BICC1: variants seen among roughly 807,000 people sequenced by gnomAD.
The protein encoded by BICC1 is protein bicaudal C homolog 1.
BICC1 carries 43 observed loss-of-function variants against 111.0 expected under a neutral mutation model. The ratio of observed to expected loss-of-function variants is 0.39; its 90% confidence interval spans 0.30 to 0.50. BICC1 has a LOEUF of 0.50. Among genes scored for constraint, BICC1 ranks in the 20% least tolerant of loss-of-function variants. The pLI is 0.88. For missense variants in BICC1, 1,091 were observed against 1,203.2 expected, an observed-to-expected ratio of 0.91 and a Z score of 1.38; for synonymous variants, 467 against 434.4, an observed-to-expected ratio of 1.07 and a Z score of -0.93.
intron 1 of BICC1, among the ~76,000 whole-genome samples, chr10:58,525,452 T>C (rs1033585615): frequency 4.2e-5 from 5 of 119,430 alleles, no homozygotes; most frequent in African/African-American, 1.4e-4. Context: ...CTCAGCAAAC[T>C]ATCGCAAGGA....
At chr10:58,738,811 G>T (rs1383366681) in intron 3 of BICC1, among the ~76,000 whole-genome samples, 3 of 151,930 alleles carry the variant, frequency 2.0e-5, no homozygotes, top group Non-Finnish European at 4.4e-5. Flanking sequence ...CACATCTCTT[G>T]TAAGTTGGAT....
intron 3 of BICC1, among the ~76,000 whole-genome samples, chr10:58,745,859 G>A (rs1312328753): frequency 2.6e-5 from 4 of 152,026 alleles, no homozygotes; most frequent in African/African-American, 9.7e-5. Flanking sequence ...GGGTTAGGAT[G>A]TGGAGATCTT....
intron 1 of BICC1, among the ~76,000 whole-genome samples, chr10:58,619,555 A>C (rs1588937091): frequency 6.7e-6 from 1 of 150,370 alleles, no homozygotes; most frequent in East Asian, 2.0e-4. Context: ...GCTCACTGCA[A>C]CCTCTGCCTC....
rs1845774973 is a variant in BICC1, at chr10:58,620,715, A to G, written c.191-140A>G. On this transcript the variant is annotated intron_variant, in intron 1 of 20. Transcript: ENST00000373886. ...TCTTTACCAGTTTTGCATCCCAGTG[A>G]GGCATATTAGCAGGCACTGAGCTGT... 4.6e-6 allele frequency: 3 copies of G among 654,228 alleles called. No individual in the cohort carries two copies. The South Asian group carries it at 5.8e-5, about 13-fold the overall frequency. The allele number at this position is 654,228 out of a possible 1,614,324, so 40.5% of individuals were successfully genotyped here. A position where few individuals can be genotyped will look rare whatever the true frequency, so the allele number is the denominator to read the frequency against.
intron 10 of BICC1, among the ~76,000 whole-genome samples, chr10:58,797,355 C>A (rs1843389066): frequency 6.6e-6 from 1 of 152,116 alleles, no homozygotes; most frequent in Non-Finnish European, 1.5e-5. Flanking sequence ...GCTATTCTTG[C>A]AGTCTTTAAA....
intron 2 of BICC1, among the ~76,000 whole-genome samples, chr10:58,681,773 G>C (rs1456346690): frequency 6.6e-6 from 1 of 152,168 alleles, no homozygotes; most frequent in Non-Finnish European, 1.5e-5. Context: ...GTTCAGAGGT[G>C]TCCAGAGTTT....
chr10:58,516,572 G>C (rs1443993196), intron 1 of BICC1, among the ~76,000 whole-genome samples: 2 of 152,012 alleles, frequency 1.3e-5, no homozygotes, highest in Non-Finnish European at 2.9e-5. Flanking sequence ...TGCTGTAAGT[G>C]AAGATTATCA....
chr10:58,743,592 A>T (rs765932769), intron 3 of BICC1, among the ~76,000 whole-genome samples: 1 of 152,006 alleles, frequency 6.6e-6, no homozygotes, highest in African/African-American at 2.4e-5. Context: ...CTGTGAAAAC[A>T]TACACCAAAC....
chr10:58,752,249 T>C (rs963406172), intron 3 of BICC1, among the ~76,000 whole-genome samples: 5 of 152,218 alleles, frequency 3.3e-5, no homozygotes, highest in East Asian at 1.9e-4. Flanking sequence ...GACCTAAGTA[T>C]ATAAATCTAG....
chr10:58,716,016 G>A (rs1368230385), intron 3 of BICC1: 4 of 1,408,112 alleles, frequency 2.8e-6, no homozygotes, highest in Non-Finnish European at 3.9e-6. Flanking sequence ...CAGACAGTAA[G>A]GATAGTTTAA....
At chr10:58,550,061 A>C (rs947841928) in intron 1 of BICC1, among the ~76,000 whole-genome samples, 1 of 151,872 alleles carries the variant, frequency 6.6e-6, no homozygotes, top group Admixed American at 6.6e-5. Flanking sequence ...TATCACCTTG[A>C]CTGGGGTGCA....
At chr10:58,766,108 G>A (rs1433819653) in intron 3 of BICC1, among the ~76,000 whole-genome samples, 1 of 152,098 alleles carries the variant, frequency 6.6e-6, no homozygotes, top group Non-Finnish European at 1.5e-5. Flanking sequence ...CTGCTGATTC[G>A]AAGGTCTTGA....
chr10:58,769,283 AACACACACACAC>A (rs3076306), intron 3 of BICC1, among the ~76,000 whole-genome samples: 3 of 145,404 alleles, frequency 2.1e-5, no homozygotes, highest in Non-Finnish European at 4.5e-5. Flanking sequence ...AAATGTTCTC[AACACACACACAC>A]ACACACACAC....
intron 2 of BICC1, among the ~76,000 whole-genome samples, chr10:58,697,836 CG>C (rs1464401216): frequency 6.6e-6 from 1 of 151,952 alleles, no homozygotes; most frequent in African/African-American, 2.4e-5. Flanking sequence ...TGTCAGCCCC[CG>C]GATGCAATAA....
At chr10:58,570,452 T>C (rs1843912253) in intron 1 of BICC1, among the ~76,000 whole-genome samples, 1 of 152,156 alleles carries the variant, frequency 6.6e-6, no homozygotes, top group Non-Finnish European at 1.5e-5. Flanking sequence ...ATGAACTCTT[T>C]GAGCATGATA....
In BICC1 at chr10:58,587,827, G is replaced by T. The variant is rs901594737; in HGVS notation, c.191-33028G>T. Among the ~76,000 whole-genome samples, 20 of 152,130 alleles carry T rather than the reference G, an allele frequency of 1.3e-4. 1 individual carries two copies. The highest frequency in any genetic ancestry group is 1.1e-3 in the Admixed American group (17 of 15,276). On this transcript the variant is annotated intron_variant, in intron 1 of 20. Coordinates refer to ENST00000373886, the MANE Select transcript of BICC1 (RefSeq NM_001080512.3). ...GTTACCCATTAAGCTTATGGGTTTC[G>T]AGTAACCTAGGGGTGTGTTTAAGGT...
At chr10:58,791,754 T>G (rs954736949) in intron 8 of BICC1, among the ~76,000 whole-genome samples, 9 of 152,072 alleles carry the variant, frequency 5.9e-5, no homozygotes, top group Non-Finnish European at 1.3e-4. Flanking sequence ...AAAAAATCAA[T>G]TTCTTCCACA....
At chr10:58,738,420 G>C (rs1268972078) in intron 3 of BICC1, among the ~76,000 whole-genome samples, 1 of 152,020 alleles carries the variant, frequency 6.6e-6, no homozygotes, top group Non-Finnish European at 1.5e-5. Context: ...TTGTTTCTGA[G>C]GGCTCTGTTC....
chr10:58,770,413 A>T (rs907546799), intron 3 of BICC1, among the ~76,000 whole-genome samples: 3 of 152,156 alleles, frequency 2.0e-5, no homozygotes, highest in African/African-American at 7.2e-5. Context: ...AATTATGCTG[A>T]TATGTTGTAC....
Sources: gnomAD v4.1 joint callset for allele counts (sites outside exome capture counted in the v4.1 genomes callset) on GRCh38, gnomAD v4.1.1 for gene constraint, MANE v1.5 for transcripts, NCBI Gene and HGNC (gene_info 2026-07-23, HGNC 2026-07-21) for gene names.